Variants in TNIK observed in about 807,000 individuals in gnomAD.
The protein encoded by TNIK is TRAF2 and NCK-interacting protein kinase.
Under a neutral mutation model 191.3 loss-of-function variants are expected in TNIK, and 49 were observed. That is an observed-to-expected ratio of 0.26 (90% CI 0.20 to 0.32). The LOEUF (loss-of-function observed/expected upper bound fraction) is 0.32, where lower values mean the gene tolerates loss of function less well. TNIK is among the 10% of genes least tolerant of loss of function. The pLI is 1.00. For missense variants in TNIK, 1,155 were observed against 1,702.3 expected (o/e 0.68, Z 5.66); for synonymous variants, 594 against 600.9 (o/e 0.99, Z 0.17).
intron 12 of TNIK, among the ~76,000 whole-genome samples, chr3:171,148,650 C>A (rs1328299084): frequency 6.6e-6 from 1 of 152,092 alleles, no homozygotes; most frequent in African/African-American, 2.4e-5. Context: ...CCAGTACTCC[C>A]GAGATGATAC....
At chr3:171,363,415 C>G (rs1715262158) in intron 2 of TNIK, among the ~76,000 whole-genome samples, 1 of 152,192 alleles carries the variant, frequency 6.6e-6, no homozygotes, top group Non-Finnish European at 1.5e-5. Flanking sequence ...CCTCAGTTAG[C>G]TCTGCATTAT....
intron 2 of TNIK, among the ~76,000 whole-genome samples, chr3:171,274,884 AT>A (rs1749534471): frequency 6.6e-6 from 1 of 152,230 alleles, no homozygotes; most frequent in Admixed American, 6.5e-5. Context: ...CAGTGTAGAA[AT>A]TTATGGGCAG....
At chr3:171,168,846 C>T (rs1483985154) in intron 9 of TNIK, among the ~76,000 whole-genome samples, 1 of 152,198 alleles carries the variant, frequency 6.6e-6, no homozygotes, top group Non-Finnish European at 1.5e-5. Flanking sequence ...ACTACCTGAG[C>T]TGTGTGTTTG....
intron 1 of TNIK, among the ~76,000 whole-genome samples, chr3:171,373,649 G>C (rs1032038138): frequency 6.6e-6 from 1 of 152,194 alleles, no homozygotes; most frequent in African/African-American, 2.4e-5. Flanking sequence ...TGAAAGTCAA[G>C]GTCATGTCAT....
At chr3:171,076,353 A>T (rs1159095379) in intron 28 of TNIK, among the ~76,000 whole-genome samples, 1 of 152,066 alleles carries the variant, frequency 6.6e-6, no homozygotes, top group Non-Finnish European at 1.5e-5. Flanking sequence ...TTTCTTTCTG[A>T]GCTCTTCTTT....
At chr3:171,362,015 C>T (rs1715052300) in intron 2 of TNIK, among the ~76,000 whole-genome samples, 1 of 152,106 alleles carries the variant, frequency 6.6e-6, no homozygotes, top group Non-Finnish European at 1.5e-5. Flanking sequence ...CTTGCTGCTC[C>T]ACACCCCTTC....
intron 10 of TNIK, among the ~76,000 whole-genome samples, chr3:171,163,997 A>G (rs1734309617): frequency 6.6e-6 from 1 of 152,244 alleles, no homozygotes; most frequent in African/African-American, 2.4e-5. Context: ...ATTAGAGCAA[A>G]CTAAGTCATT....
chr3:171,358,139 G>C (rs1406278683), intron 2 of TNIK, among the ~76,000 whole-genome samples: 1 of 152,164 alleles, frequency 6.6e-6, no homozygotes, highest in Admixed American at 6.5e-5. Context: ...TTAAAAAATA[G>C]TTGATACATT....
chr3:171,300,742 CAAT>C lies in TNIK; in HGVS notation c.123+68875_123+68877del, dbSNP rs111997026. Among the ~76,000 whole-genome samples, 95 of 152,270 alleles carry C rather than the reference CAAT, an allele frequency of 6.2e-4. No homozygotes were observed. In the Middle Eastern group the frequency reaches 0.037, roughly 60 times the overall value. On this transcript the variant is annotated intron_variant, in intron 2 of 32. Transcript: ENST00000436636. ...GTTCTTTTTATGATTTTCTCAACCA[CAAT>C]GTTTTTCTAGACCTTCCTTTGTGCC...
At position 171,093,993 on chromosome 3, in the gene TNIK, A is replaced by C. The variant is rs771124965; in HGVS notation, c.2592-25T>G. On this transcript the variant is annotated intron_variant, in intron 22 of 32. Coordinates refer to ENST00000436636, the MANE Select transcript of TNIK (RefSeq NM_015028.4). ...TCTGAGATGAGAAGGAACAACATTC[A>C]TGGCAATGTATCTTTAGGAAATATC... 21 of 1,604,630 alleles carry C rather than the reference A, an allele frequency of 1.3e-5. No homozygotes were observed. The Admixed American group carries it at 1.7e-4, about 13-fold the overall frequency.
chr3:171,383,111 T>C lies in TNIK; in HGVS notation c.58-13426A>G, dbSNP rs1053280604. On this transcript the variant is annotated intron_variant, in intron 1 of 32. Coordinates refer to ENST00000436636, the MANE Select transcript of TNIK (RefSeq NM_015028.4). ...GCCTCCAATGCCAAAACATACATTC[T>C]CCTCACTGTCTCCCATGTGCAATAT... Among the ~76,000 whole-genome samples the C allele has an allele frequency of 2.0e-5, 3 of 152,292 alleles. No homozygotes were observed. The South Asian group carries it at 6.2e-4, about 32-fold the overall frequency.
intron 12 of TNIK, among the ~76,000 whole-genome samples, chr3:171,141,740 C>T (rs189220200): frequency 2.6e-5 from 4 of 152,306 alleles, no homozygotes; most frequent in South Asian, 2.1e-4. Flanking sequence ...TTGAGAGAGG[C>T]GGCTGGCCCT....
intron 1 of TNIK, among the ~76,000 whole-genome samples, chr3:171,427,117 C>A (rs75412255): frequency 0.044 from 6,750 of 152,152 alleles, 512 homozygotes; most frequent in African/African-American, 0.15. Flanking sequence ...CTAGCTGGGC[C>A]GTAAACACAT....
At chr3:171,064,053 T>G in intron 32 of TNIK, 89 bp from the exon 33 acceptor site, 1 of 1,232,586 alleles carries the variant, frequency 8.1e-7, no homozygotes, top group South Asian at 1.4e-5. Flanking sequence ...TCACATGTCC[T>G]ATCCTTGCCA....
rs530400230 is a variant in TNIK at position 171,161,780 on chromosome 3, C to T, written c.950-444G>A. On this transcript the variant is annotated intron_variant, in intron 10 of 32. Coordinates refer to ENST00000436636, the MANE Select transcript of TNIK (RefSeq NM_015028.4). ...AAAAATACAAAAAAAATTAGCCGGGCGTGGTGGCGGGTGCCTGTAGTCCCA... is the reference window on the plus strand; with the variant it reads ...AAAAATACAAAAAAAATTAGCCGGGTGTGGTGGCGGGTGCCTGTAGTCCCA... Among the ~76,000 whole-genome samples, 15 of 151,920 alleles carry T rather than the reference C, an allele frequency of 9.9e-5. No individual in the cohort carries two copies. The South Asian group carries it at 2.5e-3, about 25-fold the overall frequency.
chr3:171,335,973 G>A (rs1756915486), intron 2 of TNIK, among the ~76,000 whole-genome samples: 1 of 152,086 alleles, frequency 6.6e-6, no homozygotes. Context: ...GTCATACAGT[G>A]CGTAGTGTAT....
In TNIK at chr3:171,082,397, G is replaced by A; in HGVS notation, c.3170-3C>T. The A allele has an allele frequency of 6.2e-7, 1 of 1,613,382 alleles. No homozygotes were observed. The highest frequency in any genetic ancestry group is 8.5e-7 in the Non-Finnish European group (1 of 1,179,594). Reference sequence around the variant, plus strand: ...AGTCCCCACCAGAAGGTTTACACCTGTAAATTTAAGAAGCACCCTAAGACT... The same window carrying A: ...AGTCCCCACCAGAAGGTTTACACCTATAAATTTAAGAAGCACCCTAAGACT... On this transcript the variant is annotated splice_region_variant and splice_polypyrimidine_tract_variant and intron_variant, in intron 26 of 32. Coordinates refer to ENST00000436636, the MANE Select transcript of TNIK (RefSeq NM_015028.4).
chr3:171,337,555 G>A, intron 2 of TNIK, among the ~76,000 whole-genome samples: 1 of 152,170 alleles, frequency 6.6e-6, no homozygotes, highest in Non-Finnish European at 1.5e-5. Context: ...TGGTCAGCAA[G>A]ACTTTCCATG....
intron 25 of TNIK, 108 bp from the exon 26 acceptor site, chr3:171,084,433 A>G: frequency 7.6e-7 from 1 of 1,315,148 alleles, no homozygotes; most frequent in Non-Finnish European, 1.0e-6. Context: ...ATTATAGTAA[A>G]GGCAAGGAAA....
Sources: gnomAD v4.1 joint callset for allele counts (sites outside exome capture counted in the v4.1 genomes callset) on GRCh38, gnomAD v4.1.1 for gene constraint, MANE v1.5 for transcripts, NCBI Gene and HGNC (gene_info 2026-07-23, HGNC 2026-07-21) for gene names.